The following ADAM7 variants were observed in gnomAD, a reference collection of about 807,000 sequenced individuals.
ADAM7 encodes the protein ADAM metallopeptidase domain 7, also known as disintegrin and metalloproteinase domain-containing protein 7.
Under a neutral mutation model 102.9 loss-of-function variants are expected in ADAM7, and 97 were observed. The observed-to-expected ratio is 0.94, with a 90% CI of 0.80 to 1.12. The LOEUF is 1.12. Ranked by LOEUF, ADAM7 falls within the 50% of genes most tolerant of loss-of-function variation. The pLI is 0.00. For synonymous variants in ADAM7, 334 were observed against 304.4 expected (o/e 1.10, Z -1.01); for missense variants, 991 against 908.7 (o/e 1.09, Z -1.16).
At chr8:24,482,046 A>G (rs963208101) in intron 8 of ADAM7, 96 bp from the exon 9 acceptor site, 1 of 918,884 alleles carries the variant, frequency 1.1e-6, no homozygotes, top group East Asian at 2.8e-5. Flanking sequence ...ACAAGTTCAA[A>G]TTATTGTTTT....
At chr8:24,460,847 G>A (rs1430417138) in intron 3 of ADAM7, among the ~76,000 whole-genome samples, 1 of 151,354 alleles carries the variant, frequency 6.6e-6, no homozygotes, top group African/African-American at 2.4e-5. Context: ...GTGAAAATAT[G>A]TTTTAGTTTA....
At chr8:24,475,712 G>A (rs1365378200) in intron 7 of ADAM7, among the ~76,000 whole-genome samples, 1 of 151,992 alleles carries the variant, frequency 6.6e-6, no homozygotes, top group African/African-American at 2.4e-5. Context: ...AGGAAAGGCA[G>A]GTTAATTTCT....
chr8:24,476,037 A>G, intron 7 of ADAM7: 1 of 446,294 alleles, frequency 2.2e-6, no homozygotes, highest in Non-Finnish European at 4.5e-6. Context: ...ACACAGAAGG[A>G]CTAATAAAGT....
chr8:24,500,682 G>GGAA, intron 18 of ADAM7, 108 bp from the exon 19 acceptor site: 1 of 809,568 alleles, frequency 1.2e-6, no homozygotes, highest in Non-Finnish European at 1.9e-6. Context: ...GAGAATTGAA[G>GGAA]TTCTATAGAA....
intron 10 of ADAM7, 25 bp downstream of exon 10, chr8:24,485,386 C>A: frequency 6.3e-7 from 1 of 1,587,518 alleles, no homozygotes; most frequent in Admixed American, 1.7e-5. Context: ...ATTTATATTA[C>A]TTAATAATGT....
intron 3 of ADAM7, among the ~76,000 whole-genome samples, chr8:24,448,982 T>G (rs907861022): frequency 9.9e-5 from 15 of 152,216 alleles, no homozygotes; most frequent in African/African-American, 3.4e-4. Context: ...GAACATGAAC[T>G]CATCCTTTTT....
chr8:24,447,693 T>C (rs1412331453), intron 3 of ADAM7, among the ~76,000 whole-genome samples: 1 of 152,158 alleles, frequency 6.6e-6, no homozygotes, highest in Non-Finnish European at 1.5e-5. Context: ...AGACATCTTG[T>C]GTAACCAAAT....
At chr8:24,469,482 A>G (rs1052110586) in intron 7 of ADAM7, among the ~76,000 whole-genome samples, 2 of 152,202 alleles carry the variant, frequency 1.3e-5, no homozygotes, top group Non-Finnish European at 2.9e-5. Flanking sequence ...CAGATGCAGC[A>G]CTGCCAAGCA....
intron 8 of ADAM7, 61 bp downstream of exon 8, chr8:24,476,565 G>T: frequency 7.5e-7 from 1 of 1,335,498 alleles, no homozygotes; most frequent in East Asian, 2.3e-5. Flanking sequence ...ACCTTTCAGC[G>T]CAGTTCTCTG....
At chr8:24,493,333 G>GA (rs1386596797) in intron 16 of ADAM7, 104 bp downstream of exon 16, 37 of 1,010,656 alleles carry the variant, frequency 3.7e-5, no homozygotes, top group Non-Finnish European at 4.9e-5. Flanking sequence ...TATGGAAAAG[G>GA]AAAAAATATT....
At chr8:24,501,138 A>C (rs983847820) in intron 19 of ADAM7, among the ~76,000 whole-genome samples, 11 of 152,160 alleles carry the variant, frequency 7.2e-5, no homozygotes, top group Non-Finnish European at 1.2e-4. Context: ...TGTGGGTTGA[A>C]GACATTGTGA....
intron 3 of ADAM7, among the ~76,000 whole-genome samples, chr8:24,456,013 C>G (rs543741953): frequency 1.3e-5 from 2 of 151,678 alleles, no homozygotes; most frequent in South Asian, 4.2e-4. Context: ...ATTATTTACT[C>G]TCACTATTAT....
chr8:24,445,728 T>C (rs1414354509), intron 2 of ADAM7, among the ~76,000 whole-genome samples: 1 of 152,228 alleles, frequency 6.6e-6, no homozygotes, highest in Non-Finnish European at 1.5e-5. Flanking sequence ...TCTTTGTTCA[T>C]AGGATAAGGC....
chr8:24,482,336 C>T (rs753023284), intron 9 of ADAM7, 25 bp downstream of exon 9: 28 of 1,587,168 alleles, frequency 1.8e-5, no homozygotes, highest in Non-Finnish European at 2.3e-5. Context: ...TATTTTCTTG[C>T]ATACCTTTGG....
intron 2 of ADAM7, among the ~76,000 whole-genome samples, chr8:24,445,077 A>T (rs1818505779): frequency 2.0e-5 from 3 of 152,166 alleles, no homozygotes; most frequent in Admixed American, 6.6e-5. Flanking sequence ...CAATATTAAA[A>T]ATCTTCTAAT....
chr8:24,467,206 C>T (rs1487162766), intron 6 of ADAM7: 1 of 595,054 alleles, frequency 1.7e-6, no homozygotes, highest in Non-Finnish European at 3.0e-6. Flanking sequence ...GATGATTCTA[C>T]AATTCTATGT....
At chr8:24,457,080 G>A (rs1207957910) in intron 3 of ADAM7, among the ~76,000 whole-genome samples, 1 of 152,076 alleles carries the variant, frequency 6.6e-6, no homozygotes, top group Non-Finnish European at 1.5e-5. Context: ...CAATGTATGA[G>A]AATACTACCT....
intron 21 of ADAM7, among the ~76,000 whole-genome samples, chr8:24,508,291 C>T (rs1200808046): frequency 6.6e-6 from 1 of 152,150 alleles, no homozygotes; most frequent in Admixed American, 6.6e-5. Context: ...AGTGAAGACA[C>T]TCCTTAGTGC....
Position 24,465,768 on chromosome 8 carries a change from G to T in ADAM7, c.382G>T (p.Gly128Cys). ...AGCTGCCAGTATCAGTACGTGTAAT[G>T]GTCTAAGGTAATGCAGAATATCTTT... ...DSAASISTCN[G>C]LRGFFRINDQ... Residue 128 changes from glycine to cysteine, a missense_variant, in exon 5 of 22, where the codon GGT becomes TGT. Gly to Cys is a radical substitution (Grantham distance 159). Coordinates refer to ENST00000175238, the MANE Select transcript of ADAM7 (RefSeq NM_003817.4). The T allele has an allele frequency of 6.3e-7, 1 of 1,598,794 alleles. No individual in the cohort carries two copies. Among genetic ancestry groups the T allele is most frequent in the Non-Finnish European group, 8.5e-7 (1 of 1,172,900 alleles).
Sources: gnomAD v4.1 joint callset for allele counts (sites outside exome capture counted in the v4.1 genomes callset) on GRCh38, gnomAD v4.1.1 for gene constraint, MANE v1.5 for transcripts, NCBI Gene and HGNC (gene_info 2026-07-23, HGNC 2026-07-21) for gene names.